The following KANTR variants were observed in gnomAD, a reference collection of about 807,000 sequenced individuals.
KANTR encodes KDM5C adjacent transcript.
chrX:53,118,308 T>C (rs781810703), intron 2 of KANTR, among the ~76,000 whole-genome samples: 3 of 112,247 alleles, frequency 2.7e-5, no homozygotes, highest in South Asian at 3.7e-4. Flanking sequence ...ACACTTGATA[T>C]TGTCCTCCTT....
At chrX:53,128,948 CACTA>C (rs1329665090), downstream of KANTR, among the ~76,000 whole-genome samples, 3 of 110,921 alleles carry the variant, frequency 2.7e-5, no homozygotes, top group Middle Eastern at 4.7e-3. Context: ...TTAAGGATGA[CACTA>C]ACAATATCAT....
At chrX:53,124,061 A>G in exon 3 of KANTR, 1 of 117,278 alleles carries the variant, frequency 8.5e-6, no homozygotes, top group Admixed American at 2.2e-4. Context: ...TCTGCCTGCT[A>G]TTTTTTGTTT....
At chrX:53,140,459 C>A (rs1933485908) in intron 2 of KANTR, among the ~76,000 whole-genome samples, 1 of 101,667 alleles carries the variant, frequency 9.8e-6, no homozygotes, top group Non-Finnish European at 2.0e-5. Context: ...CAAGATCACA[C>A]TACTGCCCTC....
chrX:53,143,978 C>A, downstream of KANTR: 1 of 267,143 alleles, frequency 3.7e-6, no homozygotes, highest in Non-Finnish European at 7.0e-6. Flanking sequence ...CTGGTGGCAG[C>A]AAGTGACTGT....
chrX:53,124,494 C>G, exon 3 of KANTR: 1 of 296,028 alleles, frequency 3.4e-6, no homozygotes, highest in Non-Finnish European at 5.9e-6. Context: ...TTCTGTTGTT[C>G]TTTTTCTAAT....
chrX:53,120,758 G>A (rs893647987), intron 2 of KANTR, among the ~76,000 whole-genome samples: 2 of 111,000 alleles, frequency 1.8e-5, no homozygotes, highest in Non-Finnish European at 3.8e-5. Flanking sequence ...ATCTCGCTCA[G>A]TTGCCCAGGC....
rs1431006284 is a variant in KANTR at position 53,134,607 on chromosome X, CAA to C, written n.204-7239_204-7238del. On this transcript the variant is annotated intron_variant and non_coding_transcript_variant, in intron 2 of 2. Transcript: ENST00000366185. ...TACATTTAAAAGTTTGAAAGGAACA[CAA>C]AGAGATTTCAAACCCGATAACATTT... 3.6e-5 allele frequency among the ~76,000 whole-genome samples: 4 copies of C among 110,778 alleles called. No homozygotes were observed. In the East Asian group the frequency reaches 8.5e-4, roughly 23 times the overall value.
At chrX:53,144,047 CTTAA>C (rs199883576), downstream of KANTR, 1,583 of 197,518 alleles carry the variant, frequency 8.0e-3, 20 homozygotes, top group African/African-American at 0.044. Flanking sequence ...GAAATTTATT[CTTAA>C]TTATTTTCTT....
chrX:53,145,264 G>A (rs200570758), downstream of KANTR, among the ~76,000 whole-genome samples: 1 of 111,789 alleles, frequency 8.9e-6, no homozygotes, highest in Admixed American at 9.4e-5. Flanking sequence ...TCAAAGAAAG[G>A]GGTGACAGAT....
chrX:53,095,017 G>T (rs1556810606), intron 1 of KANTR, among the ~76,000 whole-genome samples: 1 of 111,818 alleles, frequency 8.9e-6, no homozygotes, highest in Non-Finnish European at 1.9e-5. Context: ...ATAGCAATAA[G>T]TTTTACCCCC....
At chrX:53,120,671 G>A (rs1232864795) in intron 2 of KANTR, among the ~76,000 whole-genome samples, 4 of 110,642 alleles carry the variant, frequency 3.6e-5, no homozygotes, top group African/African-American at 9.8e-5. Context: ...TTGTATATTA[G>A]TATTATAACC....
intron 1 of KANTR, among the ~76,000 whole-genome samples, chrX:53,095,826 G>A (rs1325938711): frequency 9.0e-6 from 1 of 110,628 alleles, no homozygotes; most frequent in Non-Finnish European, 1.9e-5. Flanking sequence ...TTATATGGTC[G>A]TTAAATTTCT....
At chrX:53,136,190 A>G (rs1933417121) in intron 2 of KANTR, among the ~76,000 whole-genome samples, 1 of 111,004 alleles carries the variant, frequency 9.0e-6, no homozygotes, top group Non-Finnish European at 1.9e-5. Flanking sequence ...CCAATTCCCT[A>G]AAACTCTGTT....
At chrX:53,110,519 C>T (rs1455967143) in intron 2 of KANTR, among the ~76,000 whole-genome samples, 1 of 111,869 alleles carries the variant, frequency 8.9e-6, no homozygotes. Flanking sequence ...ATATGGTTTC[C>T]AGTACTTTGT....
chrX:53,144,006 T>C (rs1237070854), downstream of KANTR: 2 of 225,891 alleles, frequency 8.9e-6, no homozygotes, highest in African/African-American at 5.7e-5. Flanking sequence ...GATTTTGAAG[T>C]TAACAATTAG....
chrX:53,099,488 A>C (rs986781194), exon 2 of KANTR: 1 of 111,981 alleles, frequency 8.9e-6, no homozygotes, highest in Admixed American at 9.5e-5. Flanking sequence ...CCTCTACTGA[A>C]GTCTTGAAAC....
chrX:53,119,732 T>A (rs1159578814), intron 2 of KANTR, among the ~76,000 whole-genome samples: 1 of 111,722 alleles, frequency 9.0e-6, no homozygotes, highest in Non-Finnish European at 1.9e-5. Flanking sequence ...TTTATTTATT[T>A]ATTTTGAGAT....
chrX:53,143,305 C>T (rs1417915084), downstream of KANTR: 5 of 624,301 alleles, frequency 8.0e-6, no homozygotes, highest in Admixed American at 1.2e-4. Flanking sequence ...CGCACAATCT[C>T]CTGCTTGGCC....
downstream of KANTR, among the ~76,000 whole-genome samples, chrX:53,146,990 C>A (rs1435517264): frequency 1.8e-5 from 2 of 112,236 alleles, no homozygotes; most frequent in Non-Finnish European, 3.8e-5. Flanking sequence ...AAAGGAACAA[C>A]TGGTACCAGC....
Sources: gnomAD v4.1 joint callset for allele counts (sites outside exome capture counted in the v4.1 genomes callset) on GRCh38, gnomAD v4.1.1 for gene constraint, MANE v1.5 for transcripts, NCBI Gene and HGNC (gene_info 2026-07-23, HGNC 2026-07-21) for gene names.